Variants in EVI5 observed in about 807,000 individuals in gnomAD.
EVI5 encodes the protein ecotropic viral integration site 5 protein homolog.
Under a neutral mutation model 112.0 loss-of-function variants are expected in EVI5, and 73 were observed. The observed-to-expected ratio is 0.65, with a 90% CI of 0.54 to 0.79. EVI5 has a LOEUF of 0.79. Among genes scored for constraint, EVI5 ranks in the 30% least tolerant of loss-of-function variants. EVI5 has a pLI of 0.00. For synonymous variants in EVI5, 305 were observed against 319.9 expected (o/e 0.95, Z 0.50); for missense variants, 900 against 968.8 (o/e 0.93, Z 0.94).
intron 13 of EVI5, among the ~76,000 whole-genome samples, chr1:92,638,683 C>T (rs1022355238): frequency 6.6e-6 from 1 of 152,116 alleles, no homozygotes; most frequent in African/African-American, 2.4e-5. Flanking sequence ...ACTTTATATT[C>T]TCCTTTAACC....
Position 92,688,619 on chromosome 1 carries a change from G to A in EVI5, c.1097+5183C>T, listed in dbSNP as rs536080493. The stretch of plus-strand genomic sequence containing the variant: ...AAAAAGGAAGGTGCGAAGAAGAACC[G>A]AGGCACCTCTACTACAGAAATGTTA... On this transcript the variant is annotated intron_variant, in intron 9 of 19. Coordinates refer to ENST00000684568, the MANE Select transcript of EVI5 (RefSeq NM_001350197.2). Among the ~76,000 whole-genome samples, 70 of 152,242 alleles carry A rather than the reference G, an allele frequency of 4.6e-4. No individual in the cohort carries two copies. In the Middle Eastern group the frequency reaches 0.017, roughly 37 times the overall value.
intron 18 of EVI5, among the ~76,000 whole-genome samples, chr1:92,591,589 C>A (rs112597199): frequency 0.19 from 29,535 of 152,124 alleles, 3,409 homozygotes; most frequent in Non-Finnish European, 0.25. Flanking sequence ...GCACCCAATA[C>A]AGGCGCACCC....
intron 13 of EVI5, among the ~76,000 whole-genome samples, chr1:92,641,077 G>A (rs971082714): frequency 1.3e-4 from 20 of 152,104 alleles, no homozygotes; most frequent in Admixed American, 1.3e-3. Flanking sequence ...TGGGGGTTGA[G>A]GGAGAAGAGG....
intron 1 of EVI5, among the ~76,000 whole-genome samples, 171 bp from the exon 2 acceptor site, chr1:92,736,798 C>T (rs1677522648): frequency 6.6e-6 from 1 of 152,124 alleles, no homozygotes; most frequent in Non-Finnish European, 1.5e-5. Context: ...CTTTTGCAAA[C>T]TGTTTATTTC....
intron 17 of EVI5, 133 bp from the exon 18 acceptor site, chr1:92,605,535 A>G: frequency 1.6e-6 from 1 of 618,890 alleles, no homozygotes; most frequent in Non-Finnish European, 2.9e-6. Flanking sequence ...CCATAATGAA[A>G]CAATATGCTC....
intron 2 of EVI5, among the ~76,000 whole-genome samples, chr1:92,735,647 T>TTTTATATGAC (rs1677235106): frequency 1.9e-3 from 4 of 2,140 alleles, no homozygotes; most frequent in African/African-American, 3.5e-3. Flanking sequence ...GTCATATATA[T>TTTTATATGAC]ATATAATTAT....
intron 2 of EVI5, among the ~76,000 whole-genome samples, chr1:92,707,446 C>T (rs929957910): frequency 6.6e-6 from 1 of 151,786 alleles, no homozygotes; most frequent in Non-Finnish European, 1.5e-5. Context: ...ATGAACCACT[C>T]TTAAAGTCAA....
intron 16 of EVI5, 82 bp from the exon 17 acceptor site, chr1:92,607,809 TAAC>T (rs1457413652): frequency 1.2e-6 from 1 of 841,056 alleles, no homozygotes; most frequent in Non-Finnish European, 1.8e-6. Context: ...TTTTATACCA[TAAC>T]ATTATTAAAA....
At chr1:92,596,592 AGTGT>A (rs1459786057) in intron 18 of EVI5, among the ~76,000 whole-genome samples, 1 of 152,190 alleles carries the variant, frequency 6.6e-6, no homozygotes, top group Non-Finnish European at 1.5e-5. Context: ...CAAAAAATGA[AGTGT>A]AACTAAACAG....
intron 11 of EVI5, among the ~76,000 whole-genome samples, chr1:92,663,754 A>T (rs985327678): frequency 2.6e-5 from 4 of 152,068 alleles, no homozygotes; most frequent in Admixed American, 2.0e-4. Context: ...TTGTTTTTTT[A>T]AAATAGAGAC....
At chr1:92,722,484 G>A (rs1171473895) in intron 2 of EVI5, among the ~76,000 whole-genome samples, 18 of 81,822 alleles carry the variant, frequency 2.2e-4, no homozygotes, top group Non-Finnish European at 3.5e-4. Flanking sequence ...CCCCACAACC[G>A]TCCCCAGTGT....
chr1:92,679,639 T>C (rs1667283166), intron 9 of EVI5, among the ~76,000 whole-genome samples: 1 of 152,192 alleles, frequency 6.6e-6, no homozygotes, highest in Non-Finnish European at 1.5e-5. Context: ...AGTAGTATGG[T>C]ACATTGTTAT....
intron 19 of EVI5, among the ~76,000 whole-genome samples, chr1:92,541,749 T>A (rs897779496): frequency 6.6e-6 from 1 of 152,158 alleles, no homozygotes; most frequent in Admixed American, 6.5e-5. Context: ...AATACAAATA[T>A]CAGAATAAAG....
intron 18 of EVI5, among the ~76,000 whole-genome samples, chr1:92,579,624 T>A (rs1287443258): frequency 2.6e-5 from 4 of 152,228 alleles, no homozygotes; most frequent in Non-Finnish European, 5.9e-5. Flanking sequence ...CATTTCTCCA[T>A]TACTATTTAT....
chr1:92,752,027 A>C (rs1680273218), intron 1 of EVI5, among the ~76,000 whole-genome samples: 1 of 151,936 alleles, frequency 6.6e-6, no homozygotes. Context: ...AAAAAATAAT[A>C]ATTTTCCCTT....
At chr1:92,516,334 A>C (rs1238450457) in intron 19 of EVI5, among the ~76,000 whole-genome samples, 2 of 152,210 alleles carry the variant, frequency 1.3e-5, no homozygotes, top group Admixed American at 1.3e-4. Flanking sequence ...AATTTATTGC[A>C]ATTAAAACAC....
intron 1 of EVI5, among the ~76,000 whole-genome samples, chr1:92,739,795 T>C (rs891017171): frequency 2.6e-5 from 4 of 151,972 alleles, no homozygotes; most frequent in Non-Finnish European, 4.4e-5. Context: ...AGGACATGGC[T>C]ATGGTTAATT....
intron 12 of EVI5, 92 bp from the exon 13 acceptor site, chr1:92,662,957 T>TAA (rs11411366): frequency 0.031 from 9,539 of 305,428 alleles, no homozygotes; most frequent in Non-Finnish European, 0.039. Context: ...TTTGACATGT[T>TAA]AAAAAAAAAA....
intron 19 of EVI5, among the ~76,000 whole-genome samples, chr1:92,548,514 A>G (rs1321551730): frequency 1.3e-5 from 2 of 152,050 alleles, no homozygotes; most frequent in African/African-American, 2.4e-5. Context: ...GGCAGGAGAA[A>G]GAAATAAAGG....
Sources: allele counts gnomAD v4.1 joint callset (sites outside exome capture counted in the v4.1 genomes callset), GRCh38; gene constraint gnomAD v4.1.1; transcripts MANE v1.5; gene names NCBI Gene and HGNC (gene_info 2026-07-23, HGNC 2026-07-21).